NALCN: variants seen among roughly 807,000 people sequenced by gnomAD.
NALCN encodes sodium leak channel, non-selective, also known as sodium leak channel NALCN.
Under a neutral mutation model 225.3 loss-of-function variants are expected in NALCN, and 111 were observed. The ratio of observed to expected loss-of-function variants is 0.49; its 90% CI spans 0.42 to 0.58. The LOEUF (loss-of-function observed/expected upper bound fraction) is 0.58, where lower values mean the gene tolerates loss of function less well. Ranked by LOEUF, NALCN falls within the 20% of genes least tolerant of loss-of-function variation. The pLI is 0.00. For missense variants in NALCN, 1,378 were observed against 2,202.4 expected (o/e 0.63, Z 7.49); for synonymous variants, 764 against 769.0 (o/e 0.99, Z 0.11).
intron 26 of NALCN, among the ~76,000 whole-genome samples, chr13:101,102,612 G>A (rs1151379): frequency 0.26 from 39,136 of 152,082 alleles, 5,999 homozygotes; most frequent in African/African-American, 0.42. Flanking sequence ...TGCCCAGCTA[G>A]AAAGTACGTT....
chr13:101,221,153 ATT>A (rs57875788), intron 13 of NALCN, among the ~76,000 whole-genome samples: 14 of 149,182 alleles, frequency 9.4e-5, no homozygotes, highest in South Asian at 2.1e-4. Flanking sequence ...GTCCTTTTGA[ATT>A]TTTTTTTTTT....
At chr13:101,267,583 T>G (rs563978820) in intron 10 of NALCN, among the ~76,000 whole-genome samples, 1 of 152,208 alleles carries the variant, frequency 6.6e-6, no homozygotes, top group Non-Finnish European at 1.5e-5. Flanking sequence ...GAAATTACTC[T>G]TGCTGCTCTT....
chr13:101,297,028 A>G (rs1005245580), intron 7 of NALCN, among the ~76,000 whole-genome samples: 1 of 152,138 alleles, frequency 6.6e-6, no homozygotes, highest in African/African-American at 2.4e-5. Flanking sequence ...TACCTTTAGG[A>G]TTTTATTTAC....
intron 3 of NALCN, among the ~76,000 whole-genome samples, chr13:101,387,046 C>G (rs1011500737): frequency 6.6e-6 from 1 of 150,912 alleles, no homozygotes; most frequent in Non-Finnish European, 1.5e-5. Flanking sequence ...AAGGTGAAAC[C>G]CCGTCTCTAC....
intron 7 of NALCN, among the ~76,000 whole-genome samples, chr13:101,317,055 T>C (rs2044578815): frequency 1.3e-5 from 2 of 152,162 alleles, no homozygotes; most frequent in Admixed American, 1.3e-4. Context: ...ATATTTTTTT[T>C]AGCTTCATCT....
At chr13:101,291,944 TGTG>T in intron 9 of NALCN, 43 bp downstream of exon 9, 1 of 1,579,954 alleles carries the variant, frequency 6.3e-7, no homozygotes, top group Non-Finnish European at 8.7e-7. Flanking sequence ...GGGTGAGACA[TGTG>T]CATGCTCGAA....
At chr13:101,191,812 A>T in intron 14 of NALCN, 105 bp downstream of exon 14, 2 of 1,162,358 alleles carry the variant, frequency 1.7e-6, no homozygotes, top group Non-Finnish European at 2.4e-6. Context: ...AGTCTGCATT[A>T]GTCCTTTGGC....
chr13:101,332,822 C>T (rs1238393489), intron 7 of NALCN, among the ~76,000 whole-genome samples: 3 of 151,666 alleles, frequency 2.0e-5, no homozygotes, highest in African/African-American at 7.3e-5. Flanking sequence ...GGAGTGCTCA[C>T]GCTTCACTTT....
At chr13:101,414,868 A>G (rs2047889092) in intron 1 of NALCN, among the ~76,000 whole-genome samples, 1 of 152,102 alleles carries the variant, frequency 6.6e-6, no homozygotes, top group Admixed American at 6.5e-5. Context: ...AGAGGATCCA[A>G]CTGAACCTTT....
chr13:101,073,782 G>A (rs1329387161), intron 36 of NALCN, 105 bp from the exon 37 acceptor site: 3 of 919,106 alleles, frequency 3.3e-6, no homozygotes, highest in African/African-American at 1.7e-5. Context: ...TAGCAAATTT[G>A]GTTGCTAAGT....
intron 10 of NALCN, among the ~76,000 whole-genome samples, chr13:101,276,969 T>C (rs538831505): frequency 1.5e-4 from 23 of 152,230 alleles, no homozygotes; most frequent in African/African-American, 5.3e-4. Context: ...TTTCTATATA[T>C]ATGTATATAC....
Position 101,062,192 on chromosome 13 carries a change from C to T in NALCN, c.4605-74G>A. ...TTACACCCTTAGATACGTCAAAATC[C>T]AGAGAGGACATCACTCAGTCTAATA... On this transcript the variant is annotated intron_variant, in intron 40 of 43. Coordinates refer to ENST00000251127, the MANE Select transcript of NALCN (RefSeq NM_052867.4). 3 of 1,520,544 alleles carry T rather than the reference C, an allele frequency of 2.0e-6. 1 individual carries two copies. Among genetic ancestry groups the T allele is most frequent in the Admixed American group, 3.8e-5 (2 of 53,224 alleles). The allele number at this position is 1,520,544 out of a possible 1,614,324, so 94.2% of individuals were successfully genotyped here.
intron 22 of NALCN, 107 bp downstream of exon 22, chr13:101,107,380 A>T: frequency 1.3e-6 from 2 of 1,558,160 alleles, no homozygotes; most frequent in Non-Finnish European, 1.7e-6. Context: ...TCCGCAGTTT[A>T]TTTTGTGACC....
intron 14 of NALCN, chr13:101,181,094 C>T (rs1336018648): frequency 1.9e-6 from 1 of 518,840 alleles, no homozygotes; most frequent in Admixed American, 1.9e-5. Flanking sequence ...CCGAACACTA[C>T]TTATCGAAGA....
intron 15 of NALCN, among the ~76,000 whole-genome samples, chr13:101,160,042 C>T (rs2038091983): frequency 6.6e-6 from 1 of 152,046 alleles, no homozygotes; most frequent in Non-Finnish European, 1.5e-5. Flanking sequence ...GCAACCTCTG[C>T]CTCCTGGGTT....
chr13:101,101,571 A>G (rs667901), intron 26 of NALCN, among the ~76,000 whole-genome samples: 104,262 of 151,470 alleles, frequency 0.69, 36,239 homozygotes, highest in South Asian at 0.72. Context: ...GTGAGCCACT[A>G]TGCCTGGCCT....
In NALCN at chr13:101,276,062, CAA is replaced by C. The variant is rs59471123; in HGVS notation, c.1134+7869_1134+7870del. Among the ~76,000 whole-genome samples the C allele has an allele frequency of 3.2e-3, 272 of 84,162 alleles. 1 individual carries two copies. The East Asian group carries it at 0.091, about 28-fold the overall frequency. The allele number at this position is 84,162 out of a possible 152,430, so 55.2% of individuals were successfully genotyped here. A position where few individuals can be genotyped will look rare whatever the true frequency, so the allele number is the denominator to read the frequency against. On this transcript the variant is annotated intron_variant, in intron 10 of 43. Transcript: ENST00000251127. ...CTGATGACAGAGCGAGACTCCTTCTCAAAAAAAAAAAAAAAAAAAAAAAAAAA... is the reference window on the plus strand; with the variant it reads ...CTGATGACAGAGCGAGACTCCTTCTCAAAAAAAAAAAAAAAAAAAAAAAAA...
intron 11 of NALCN, among the ~76,000 whole-genome samples, chr13:101,256,092 T>C (rs561705820): frequency 6.6e-6 from 1 of 152,280 alleles, no homozygotes; most frequent in African/African-American, 2.4e-5. Context: ...AACAGTCGTT[T>C]CCATTTCTGC....
At chr13:101,121,882 A>G (rs1485119671) in intron 18 of NALCN, among the ~76,000 whole-genome samples, 1 of 151,920 alleles carries the variant, frequency 6.6e-6, no homozygotes, top group Non-Finnish European at 1.5e-5. Flanking sequence ...AGTGGTGGAG[A>G]GCTTTTTCTC....
Sources: gnomAD v4.1 joint callset for allele counts (sites outside exome capture counted in the v4.1 genomes callset) on GRCh38, gnomAD v4.1.1 for gene constraint, MANE v1.5 for transcripts, NCBI Gene and HGNC (gene_info 2026-07-23, HGNC 2026-07-21) for gene names.